The following MEGF11 variants were observed in gnomAD, a reference collection of about 807,000 sequenced individuals.
MEGF11 encodes multiple EGF like domains 11.
A neutral mutation model predicts 146.6 loss-of-function variants in MEGF11; 126 were observed. The observed-to-expected ratio is 0.86, with a 90% confidence interval of 0.74 to 1.00. The LOEUF (loss-of-function observed/expected upper bound fraction) is 1.00, where lower values mean the gene tolerates loss of function less well. Among genes scored for constraint, MEGF11 ranks in the 50% least tolerant of loss-of-function variants. MEGF11 has a pLI of 0.00. For synonymous variants in MEGF11, 532 were observed against 583.4 expected, an observed-to-expected ratio of 0.91 and a Z score of 1.27; for missense variants, 1,509 against 1,521.2, an observed-to-expected ratio of 0.99 and a Z score of 0.13.
chr15:66,204,774 C>T (rs1162610219), intron 1 of MEGF11, among the ~76,000 whole-genome samples: 5 of 152,162 alleles, frequency 3.3e-5, no homozygotes, highest in East Asian at 1.9e-4. Context: ...GACAATGAGA[C>T]TCAAAATTTA....
intron 5 of MEGF11, among the ~76,000 whole-genome samples, chr15:66,043,017 A>G (rs1251239205): frequency 6.6e-6 from 1 of 152,208 alleles, no homozygotes; most frequent in Non-Finnish European, 1.5e-5. Context: ...GGCTGTCTCA[A>G]TCCTTCCGAA....
chr15:66,040,245 A>C (rs2083910425), intron 5 of MEGF11: 1 of 154,882 alleles, frequency 6.5e-6, no homozygotes, highest in Non-Finnish European at 1.5e-5. Context: ...AGAGAGGGGA[A>C]AGAGAGCTGA....
At chr15:65,956,400 C>T (rs2080639896) in intron 10 of MEGF11, among the ~76,000 whole-genome samples, 1 of 152,202 alleles carries the variant, frequency 6.6e-6, no homozygotes, top group South Asian at 2.1e-4. Flanking sequence ...AGAATGCACT[C>T]TATATATCCC....
chr15:66,069,589 T>C (rs1476540823), intron 5 of MEGF11, among the ~76,000 whole-genome samples: 1 of 152,190 alleles, frequency 6.6e-6, no homozygotes, highest in Non-Finnish European at 1.5e-5. Flanking sequence ...GATAGGACCA[T>C]CCTGCCTCCA....
rs759791792 is a variant in MEGF11, at chr15:65,929,761, TGCAGGA to T, written c.1525_1530del (p.Ser509_Cys510del). 3 of 1,552,804 alleles carry T rather than the reference TGCAGGA, an allele frequency of 1.9e-6. No individual in the cohort carries two copies. The highest frequency in any genetic ancestry group is 1.2e-5 in the South Asian group (1 of 84,120). On this transcript the variant is annotated inframe_deletion, in exon 12 of 26. Coordinates refer to ENST00000395614, the MANE Select transcript of MEGF11 (RefSeq NM_001385028.1). The stretch of plus-strand genomic sequence containing the variant: ...CAGGTGTCTCCCAGCCAGCCAGGAG[TGCAGGA>T]GCAGGAGCCGTCTATGGGGCTGCAG...
intron 1 of MEGF11, among the ~76,000 whole-genome samples, chr15:66,235,414 A>T (rs1597167655): frequency 6.6e-6 from 1 of 152,074 alleles, no homozygotes; most frequent in South Asian, 2.1e-4. Context: ...AGATGAGGGG[A>T]CTGCTTGAGC....
Position 65,922,459 on chromosome 15 carries a change from C to T in MEGF11, c.1836G>A (p.Gly612=), listed in dbSNP as rs149970107. ...GPLCQRICPP[G]FYGHGCAQPC... ...GCTGGGCGCAGCCGTGGCCATAGAACCCAGGGGGGCAGACTGAGGGTGAAG... is the reference window on the plus strand; with the variant it reads ...GCTGGGCGCAGCCGTGGCCATAGAATCCAGGGGGGCAGACTGAGGGTGAAG... The change falls in exon 15 of 26, where the codon GGG becomes GGA. Residue 612 remains glycine (G), a synonymous_variant. Transcript: ENST00000395614. 3.4e-4 allele frequency: 538 copies of T among 1,575,054 alleles called. 2 individuals carry two copies. The African/African-American group carries it at 6.4e-3, about 19-fold the overall frequency.
Position 65,980,772 on chromosome 15 carries a change from A to G in MEGF11, c.762+6T>C, listed in dbSNP as rs757214571. ...TGCCCCACCCAGATCCTTTGGGCCC[A>G]CTTACCGTCCAGCCTGGGGGGCAGG... On this transcript the variant is annotated splice_donor_region_variant and intron_variant, in intron 7 of 25. Transcript: ENST00000395614. 6.3e-7 allele frequency: 1 copy of G among 1,593,802 alleles called. No homozygotes were observed. Among genetic ancestry groups the G allele is most frequent in the South Asian group, 1.1e-5 (1 of 87,072 alleles).
chr15:66,061,795 C>A (rs988088089), intron 5 of MEGF11, among the ~76,000 whole-genome samples: 1 of 152,068 alleles, frequency 6.6e-6, no homozygotes, highest in African/African-American at 2.4e-5. Context: ...ACCAGCACAC[C>A]CAGCTAATTT....
intron 1 of MEGF11, among the ~76,000 whole-genome samples, chr15:66,217,524 G>A (rs2091616550): frequency 6.6e-6 from 1 of 152,238 alleles, no homozygotes; most frequent in African/African-American, 2.4e-5. Flanking sequence ...CCACTAAAGT[G>A]TGGGACTTTC....
chr15:66,222,866 G>T (rs12905484), intron 1 of MEGF11, among the ~76,000 whole-genome samples: 150,139 of 152,340 alleles, frequency 0.99, 73,991 homozygotes, highest in Admixed American at 0.99. Context: ...GTGGAGAAAT[G>T]AAAACCCTCA....
Position 66,250,774 on chromosome 15 carries a change from G to A in MEGF11, c.-9+2831C>T, listed in dbSNP as rs148318700. Among the ~76,000 whole-genome samples, 460 of 152,216 alleles carry A rather than the reference G, an allele frequency of 3.0e-3. 2 individuals are homozygous for A. The highest frequency in any genetic ancestry group is 0.01 in the African/African-American group (429 of 41,524). On this transcript the variant is annotated intron_variant, in intron 1 of 25. Coordinates refer to ENST00000395614, the MANE Select transcript of MEGF11 (RefSeq NM_001385028.1). ...ATACAAAAATTAGCCTGGCATGGTG[G>A]CCCACACCTGTAGTCCCAGCTACTT... is the stretch of plus-strand genomic sequence containing the variant.
chr15:66,247,413 G>T (rs1449918079), intron 1 of MEGF11, among the ~76,000 whole-genome samples: 1 of 152,156 alleles, frequency 6.6e-6, no homozygotes, highest in African/African-American at 2.4e-5. Context: ...CCCATCCTAG[G>T]TTCAGTAAAC....
At chr15:65,955,093 CA>C (rs2080534561) in intron 10 of MEGF11, among the ~76,000 whole-genome samples, 3 of 152,210 alleles carry the variant, frequency 2.0e-5, no homozygotes, top group African/African-American at 7.2e-5. Flanking sequence ...ACCCCATCCA[CA>C]GATGCCCAAA....
At chr15:66,165,077 C>T (rs2090061119) in intron 1 of MEGF11, among the ~76,000 whole-genome samples, 1 of 152,214 alleles carries the variant, frequency 6.6e-6, no homozygotes. Flanking sequence ...CTATGACCAA[C>T]CCCTCACAGC....
intron 5 of MEGF11, among the ~76,000 whole-genome samples, chr15:65,996,509 G>T (rs1367687740): frequency 6.6e-6 from 1 of 150,550 alleles, no homozygotes; most frequent in African/African-American, 2.5e-5. Context: ...AATCTCAGAT[G>T]GAGTCTCACT....
At chr15:66,036,838 G>A (rs527762281) in intron 5 of MEGF11, among the ~76,000 whole-genome samples, 25 of 152,276 alleles carry the variant, frequency 1.6e-4, no homozygotes, top group South Asian at 2.1e-4. Context: ...GTATTTATGC[G>A]CCGGGCACAT....
At chr15:66,000,853 G>A (rs2141832276) in intron 5 of MEGF11, among the ~76,000 whole-genome samples, 2 of 152,354 alleles carry the variant, frequency 1.3e-5, no homozygotes, top group Non-Finnish European at 2.9e-5. Context: ...GAAGGCACTT[G>A]AGGTAGGAAG....
At chr15:66,099,193 C>T (rs1290953891) in intron 4 of MEGF11, among the ~76,000 whole-genome samples, 1 of 142,176 alleles carries the variant, frequency 7.0e-6, no homozygotes, top group Non-Finnish European at 1.5e-5. Context: ...TCCCTCCCAC[C>T]CCTCCTTTTT....
Sources: allele counts gnomAD v4.1 joint callset (sites outside exome capture counted in the v4.1 genomes callset), GRCh38; gene constraint gnomAD v4.1.1; transcripts MANE v1.5; gene names NCBI Gene and HGNC (gene_info 2026-07-23, HGNC 2026-07-21).